LLGL2: variants seen among roughly 807,000 people sequenced by gnomAD.
The protein encoded by LLGL2 is LLGL scribble cell polarity complex component 2.
In LLGL2, 81 loss-of-function variants were observed where a neutral mutation model predicts 123.2. That is an observed-to-expected ratio of 0.66 (90% CI 0.55 to 0.79). LLGL2 has a LOEUF of 0.79. Ranked by LOEUF, LLGL2 falls within the 30% of genes least tolerant of loss-of-function variation. The probability of loss-of-function intolerance (pLI) is 0.00; values close to 1 mark genes in which losing one functional copy is unlikely to be tolerated. For synonymous variants in LLGL2, 577 were observed against 594.1 expected (o/e 0.97, Z 0.42); for missense variants, 1,273 against 1,414.6 (o/e 0.90, Z 1.61).
intron 11 of LLGL2, 31 bp downstream of exon 11, chr17:75,568,724 C>G (rs750670381): frequency 1.2e-6 from 2 of 1,613,274 alleles, no homozygotes; most frequent in South Asian, 1.1e-5. Flanking sequence ...AGCCCCAGCC[C>G]CACCGCAAGC....
At chr17:75,565,792 C>T (rs992673864) in intron 10 of LLGL2, among the ~76,000 whole-genome samples, 3 of 152,210 alleles carry the variant, frequency 2.0e-5, no homozygotes, top group Non-Finnish European at 2.9e-5. Flanking sequence ...GATATGTGGG[C>T]ACCCTGAAGC....
chr17:75,543,249 G>T, intron 1 of LLGL2, 148 bp from the exon 2 acceptor site: 1 of 506,520 alleles, frequency 2.0e-6, no homozygotes. Context: ...AAGCCAGGGT[G>T]CATGGGCGGT....
At position 75,564,815 on chromosome 17, in the gene LLGL2, G is replaced by A; in HGVS notation, c.1036+308G>A. 1 of 274,754 alleles carries A rather than the reference G, an allele frequency of 3.6e-6. No homozygotes were observed. The highest frequency in any genetic ancestry group is 6.8e-6 in the Non-Finnish European group (1 of 147,318). 17.0% of individuals were successfully genotyped at this position (274,754 alleles called of 1,614,324 possible). The stretch of plus-strand genomic sequence containing the variant: ...GGAGGTGGAGGTTGCAGCGAACCAG[G>A]ATCATGCTACTGTACTCAGCCTGGG... On this transcript the variant is annotated intron_variant, in intron 10 of 25. Transcript: ENST00000392550. The surrounding 1 kb of genome is among the most constrained non-coding windows in gnomAD (Gnocchi z 4.9).
At position 75,570,133 on chromosome 17, in the gene LLGL2, G is replaced by T; in HGVS notation, c.1752G>T (p.Gln584His). 6.3e-7 allele frequency: 1 copy of T among 1,596,392 alleles called. No individual in the cohort carries two copies. Among genetic ancestry groups the T allele is most frequent in the Non-Finnish European group, 8.5e-7 (1 of 1,172,064 alleles). Reference protein sequence around the residue: ...EPGFQPFVLVQCQPPAVVTSL... With the variant: ...EPGFQPFVLVHCQPPAVVTSL... ...GCTTTCAGCCCTTCGTGTTGGTGCA[G>T]TGTCAGCCCCCGGCTGTGGTCACCT... The change falls in exon 15 of 26, where the codon CAG becomes CAT. Residue 584 changes from glutamine (Q) to histidine (H), a missense_variant. Coordinates refer to ENST00000392550, the MANE Select transcript of LLGL2 (RefSeq NM_001031803.2).
At chr17:75,528,179 G>C (rs866932140) in intron 1 of LLGL2, among the ~76,000 whole-genome samples, 1 of 151,894 alleles carries the variant, frequency 6.6e-6, no homozygotes, top group African/African-American at 2.4e-5. Context: ...GCAGTGGCGA[G>C]ATCTCGGCTC....
intron 1 of LLGL2, among the ~76,000 whole-genome samples, chr17:75,536,973 A>AC (rs1186932875): frequency 2.0e-5 from 3 of 151,960 alleles, no homozygotes; most frequent in African/African-American, 4.8e-5. Flanking sequence ...GGTTACAGGC[A>AC]CCCACCACCA....
At chr17:75,569,894 C>G in intron 14 of LLGL2, 69 bp from the exon 15 acceptor site, 1 of 1,499,478 alleles carries the variant, frequency 6.7e-7, no homozygotes, top group Non-Finnish European at 8.9e-7. Context: ...GCTGTCCCCA[C>G]TAGTAGCATC....
chr17:75,528,043 A>G (rs1460369460), intron 1 of LLGL2, among the ~76,000 whole-genome samples: 1 of 152,012 alleles, frequency 6.6e-6, no homozygotes, highest in Non-Finnish European at 1.5e-5. Flanking sequence ...CCTGCCTCCC[A>G]AAGTGTTAGG....
intron 2 of LLGL2, among the ~76,000 whole-genome samples, chr17:75,548,453 T>C (rs539357301): frequency 6.6e-6 from 1 of 151,946 alleles, no homozygotes; most frequent in East Asian, 2.0e-4. Context: ...AAAGGACAGC[T>C]TTTCAGAGCT....
chr17:75,573,934 CTG>C lies in LLGL2; in HGVS notation c.2877-16_2877-15del. On this transcript the variant is annotated splice_polypyrimidine_tract_variant and intron_variant, in intron 21 of 25. Coordinates refer to ENST00000392550, the MANE Select transcript of LLGL2 (RefSeq NM_001031803.2). ...GGGAGCCCGGGGGCCCTGGTCCTCACTGTCTCTTCCCCCACAGGAACTCAGGG... is the reference window on the plus strand; with the variant it reads ...GGGAGCCCGGGGGCCCTGGTCCTCACTCTCTTCCCCCACAGGAACTCAGGG... The C allele has an allele frequency of 1.0e-5, 16 of 1,550,690 alleles. No homozygotes were observed. The highest frequency in any genetic ancestry group is 1.3e-5 in the Non-Finnish European group (15 of 1,146,948).
chr17:75,571,799 G>T lies in LLGL2; in HGVS notation c.2293+16G>T, dbSNP rs367706425. 9 of 1,604,370 alleles carry T rather than the reference G, an allele frequency of 5.6e-6. No homozygotes were observed. In the African/African-American group the frequency reaches 1.2e-4, roughly 21 times the overall value. ...GCAGAGCAGGGTGAGTGCTGGGCAG[G>T]GAGAGCAGAGGGTGCTCGGGCTGCC... On this transcript the variant is annotated intron_variant, in intron 18 of 25. Transcript: ENST00000392550.
intron 1 of LLGL2, among the ~76,000 whole-genome samples, chr17:75,526,643 G>A (rs900917541): frequency 6.6e-6 from 1 of 152,094 alleles, no homozygotes; most frequent in Non-Finnish European, 1.5e-5. Flanking sequence ...CCCTTCCCCT[G>A]GGGATCCGTA....
Position 75,570,084 on chromosome 17 carries a change from C to T in LLGL2, c.1703C>T (p.Ser568Leu), listed in dbSNP as rs915309363. The T allele has an allele frequency of 1.2e-5, 20 of 1,611,584 alleles. No individual in the cohort carries two copies. Among genetic ancestry groups the T allele is most frequent in the Non-Finnish European group, 1.7e-5 (20 of 1,179,316 alleles). Reference protein sequence around the residue: ...WKGHERLAARSGPVRFEPGFQ... With the variant: ...WKGHERLAARLGPVRFEPGFQ... ...GGGCACGAGCGCCTGGCAGCCCGCT[C>T]AGGGCCCGTGCGCTTTGAGCCTGGC... The change falls in exon 15 of 26, where the codon TCA becomes TTA. Residue 568 changes from serine (S) to leucine (L), a missense_variant. Coordinates refer to ENST00000392550, the MANE Select transcript of LLGL2 (RefSeq NM_001031803.2).
chr17:75,554,289 C>T (rs1419661459), intron 2 of LLGL2, among the ~76,000 whole-genome samples: 1 of 91,214 alleles, frequency 1.1e-5, no homozygotes, highest in East Asian at 2.7e-4. Flanking sequence ...GTGACAAGAG[C>T]AAAACTCCGT....
intron 3 of LLGL2, among the ~76,000 whole-genome samples, 172 bp downstream of exon 3, chr17:75,556,315 G>C (rs2054912402): frequency 6.6e-6 from 1 of 152,204 alleles, no homozygotes; most frequent in Non-Finnish European, 1.5e-5. Context: ...ATGGTTGATG[G>C]TGGAGCAGGC....
chr17:75,528,644 A>G (rs1470115771), intron 1 of LLGL2, among the ~76,000 whole-genome samples: 1 of 152,072 alleles, frequency 6.6e-6, no homozygotes, highest in African/African-American at 2.4e-5. Flanking sequence ...AGGCTGAAGC[A>G]GGAGAATCGC....
At chr17:75,572,876 G>T in intron 19 of LLGL2, 138 bp from the exon 20 acceptor site, 4 of 1,033,770 alleles carry the variant, frequency 3.9e-6, no homozygotes. Context: ...ATCCTCCCAG[G>T]CCATGTCTGT....
At position 75,569,210 on chromosome 17, in the gene LLGL2, C is replaced by T; in HGVS notation, c.1477-11C>T. ...CCCGTGGCTGCTCACAGGGCCCCTC[C>T]CCTTCTCCAGGTGGGCTCCTTTGAC... On this transcript the variant is annotated splice_polypyrimidine_tract_variant and intron_variant, in intron 13 of 25. Transcript: ENST00000392550. 1 of 1,613,038 alleles carries T rather than the reference C, an allele frequency of 6.2e-7. No individual in the cohort carries two copies. Among genetic ancestry groups the T allele is most frequent in the South Asian group, 1.1e-5 (1 of 91,032 alleles).
intron 3 of LLGL2, among the ~76,000 whole-genome samples, chr17:75,557,207 G>A (rs1246306860): frequency 3.3e-5 from 5 of 152,002 alleles, no homozygotes; most frequent in Admixed American, 1.3e-4. Context: ...AACCTATCTC[G>A]ATAAGAATCA....
Sources: allele counts gnomAD v4.1 joint callset (sites outside exome capture counted in the v4.1 genomes callset), GRCh38; gene constraint gnomAD v4.1.1; non-coding constraint Gnocchi (gnomAD v3.1); transcripts MANE v1.5; gene names NCBI Gene and HGNC (gene_info 2026-07-23, HGNC 2026-07-21).